The following DGAT2L6 variants were observed in gnomAD, a reference collection of about 807,000 sequenced individuals.
DGAT2L6 encodes the protein diacylglycerol O-acyltransferase 2 like 6.
Under a neutral mutation model 25.5 loss-of-function variants are expected in DGAT2L6, and 22 were observed. That is an observed-to-expected ratio of 0.86 (90% CI 0.62 to 1.23). The LOEUF is 1.23. DGAT2L6 is among the 50% of genes most tolerant of loss of function. The pLI is 0.00. For synonymous variants in DGAT2L6, 100 were observed against 94.7 expected, an observed-to-expected ratio of 1.06 and a Z score of -0.32; for missense variants, 287 against 253.2, an observed-to-expected ratio of 1.13 and a Z score of -0.91.
In DGAT2L6 at chrX:70,199,902, G is replaced by A. The variant is rs774731510; in HGVS notation, c.267+20G>A. The A allele has an allele frequency of 1.7e-6, 2 of 1,192,414 alleles. No homozygotes were observed. Among genetic ancestry groups the A allele is most frequent in the African/African-American group, 3.5e-5 (2 of 57,310 alleles). ...GTAAAGGTGACCACTCTTCCTCGGG[G>A]TGCCCTCAGTCCCTGTTGCCCAGAC... On this transcript the variant is annotated intron_variant, in intron 3 of 6. Transcript: ENST00000333026.
In DGAT2L6 at chrX:70,205,317, G is replaced by T. The variant is rs903142890; in HGVS notation, c.*211G>T. The T allele has an allele frequency of 5.4e-6, 2 of 367,078 alleles. No homozygotes were observed. Among genetic ancestry groups the T allele is most frequent in the Non-Finnish European group, 8.6e-6 (2 of 231,870 alleles). The allele number at this position is 367,078 out of a possible 1,213,427, so 30.3% of individuals were successfully genotyped here. On this transcript the variant is annotated 3_prime_UTR_variant, in exon 7 of 7. Coordinates refer to ENST00000333026, the MANE Select transcript of DGAT2L6 (RefSeq NM_198512.3). ...CTTAGGGGAAAGAACCAGAGGGGCA[G>T]GGGAGGACTGGGGAGGGCTGGCTAG... is the stretch of plus-strand genomic sequence containing the variant.
intron 4 of DGAT2L6, among the ~76,000 whole-genome samples, chrX:70,201,405 C>A (rs2085409889): frequency 8.9e-6 from 1 of 111,822 alleles, no homozygotes; most frequent in Admixed American, 9.5e-5. Context: ...TGGTCAGGCT[C>A]AGGGGTCTGC....
At position 70,183,933 on chromosome X, in the gene DGAT2L6, T is replaced by TG. The variant is rs774156494; in HGVS notation, c.85+6267dup. 2.1e-3 allele frequency among the ~76,000 whole-genome samples: 233 copies of TG among 110,677 alleles called. 2 individuals carry two copies. The highest frequency in any genetic ancestry group is 6.7e-3 in the African/African-American group (204 of 30,469). On this transcript the variant is annotated intron_variant, in intron 1 of 6. Coordinates refer to ENST00000333026, the MANE Select transcript of DGAT2L6 (RefSeq NM_198512.3). ...TGCATGCCTGTGGTCCTAGCTATTGTGCAGGCTGAAATGGGGGGCTCCTTT... is the reference window on the plus strand; with the variant it reads ...TGCATGCCTGTGGTCCTAGCTATTGTGGCAGGCTGAAATGGGGGGCTCCTTT...
At chrX:70,198,441 C>T (rs973975207) in intron 1 of DGAT2L6, among the ~76,000 whole-genome samples, 2 of 112,118 alleles carry the variant, frequency 1.8e-5, no homozygotes, top group African/African-American at 3.2e-5. Flanking sequence ...TAGGTTCAAG[C>T]TGTCCTCTCA....
chrX:70,177,796 C>A, intron 1 of DGAT2L6, 129 bp downstream of exon 1: 1 of 557,061 alleles, frequency 1.8e-6, no homozygotes, highest in Non-Finnish European at 2.9e-6. Context: ...CTGGCTGGCA[C>A]AAAGGCCAGG....
chrX:70,191,704 AAAG>A (rs1453538386), intron 1 of DGAT2L6, among the ~76,000 whole-genome samples: 3 of 111,993 alleles, frequency 2.7e-5, no homozygotes, highest in Non-Finnish European at 5.6e-5. Flanking sequence ...AGATCAACTC[AAAG>A]AAGAATATCC....
intron 1 of DGAT2L6, among the ~76,000 whole-genome samples, chrX:70,196,503 G>GAAAAAAAAAAAAAAAGAAAAAA (rs1164024384): frequency 1.4e-5 from 1 of 70,585 alleles, no homozygotes; most frequent in Non-Finnish European, 2.8e-5. Context: ...AAAAAAAAAA[G>GAAAAAAAAAAAAAAAGAAAAAA]AAAGAAAAAA....
intron 5 of DGAT2L6, among the ~76,000 whole-genome samples, chrX:70,202,807 T>C (rs1209209436): frequency 9.0e-6 from 1 of 111,281 alleles, no homozygotes; most frequent in African/African-American, 3.3e-5. Context: ...ATGAGTCAGA[T>C]CATGTCACTT....
At chrX:70,191,935 T>C (rs914781041) in intron 1 of DGAT2L6, among the ~76,000 whole-genome samples, 4 of 111,448 alleles carry the variant, frequency 3.6e-5, no homozygotes, top group African/African-American at 1.3e-4. Flanking sequence ...TGGTCATTCA[T>C]AAATGAAGGA....
Position 70,200,407 on chromosome X carries a change from C to T in DGAT2L6, c.420C>T (p.Thr140=), listed in dbSNP as rs1410390859. The change falls in exon 4 of 7, where the codon ACC becomes ACT. Residue 140 remains threonine, a synonymous_variant. Coordinates refer to ENST00000333026, the MANE Select transcript of DGAT2L6 (RefSeq NM_198512.3). The part of the protein sequence containing the change: ...IFPSITPFVG[T]LERIFWIPIV... ...CATCCATCACTCCCTTTGTAGGGAC[C>T]TTAGAAAGGATATTTTGGATCCCAA... 6 of 1,210,109 alleles carry T rather than the reference C, an allele frequency of 5.0e-6. No homozygotes were observed. The Admixed American group carries it at 8.7e-5, about 18-fold the overall frequency.
At chrX:70,202,409 C>G (rs2085413844) in intron 5 of DGAT2L6, among the ~76,000 whole-genome samples, 1 of 112,114 alleles carries the variant, frequency 8.9e-6, no homozygotes, top group South Asian at 3.7e-4. Flanking sequence ...GAGGCACTAG[C>G]TTTGATACCG....
intron 1 of DGAT2L6, among the ~76,000 whole-genome samples, chrX:70,197,261 C>T (rs2085395046): frequency 8.9e-6 from 1 of 112,259 alleles, no homozygotes; most frequent in African/African-American, 3.2e-5. Flanking sequence ...TGAGACTTAG[C>T]TCTTCCACAT....
chrX:70,191,160 G>GT (rs2085374473), intron 1 of DGAT2L6, among the ~76,000 whole-genome samples: 1 of 112,461 alleles, frequency 8.9e-6, no homozygotes, highest in Non-Finnish European at 1.9e-5. Flanking sequence ...TATAATTCCA[G>GT]TAACAGCCCA....
chrX:70,200,606 A>T lies in DGAT2L6; in HGVS notation c.472+147A>T, dbSNP rs1247944430. 1.3e-5 allele frequency: 7 copies of T among 537,348 alleles called. No individual in the cohort carries two copies. The East Asian group carries it at 2.6e-4, about 20-fold the overall frequency. The allele number at this position is 537,348 out of a possible 1,213,427, so 44.3% of individuals were successfully genotyped here. On this transcript the variant is annotated intron_variant, in intron 4 of 6. Coordinates refer to ENST00000333026, the MANE Select transcript of DGAT2L6 (RefSeq NM_198512.3). ...GGGCCCGTAACAGGAGTATGTGGCTAAGCATTAGTTTCTGTCCAAGATCTA... is the reference window on the plus strand; with the variant it reads ...GGGCCCGTAACAGGAGTATGTGGCTTAGCATTAGTTTCTGTCCAAGATCTA...
chrX:70,189,429 C>T (rs1346611834), intron 1 of DGAT2L6, among the ~76,000 whole-genome samples: 1 of 111,602 alleles, frequency 9.0e-6, no homozygotes, highest in Non-Finnish European at 1.9e-5. Context: ...GTAAACCATA[C>T]AGGATTCATA....
chrX:70,200,831 T>C (rs6653292), intron 4 of DGAT2L6, among the ~76,000 whole-genome samples: 1,833 of 111,789 alleles, frequency 0.016, 32 homozygotes, highest in African/African-American at 0.057. Flanking sequence ...TTCACCAGGC[T>C]CTCTCTAGGA....
At chrX:70,188,282 C>G (rs2085365459) in intron 1 of DGAT2L6, among the ~76,000 whole-genome samples, 2 of 111,021 alleles carry the variant, frequency 1.8e-5, no homozygotes, top group Non-Finnish European at 3.8e-5. Context: ...TGGGCTGATT[C>G]ACCAAGAAAA....
At chrX:70,201,313 G>C (rs940338720) in intron 4 of DGAT2L6, among the ~76,000 whole-genome samples, 2 of 112,395 alleles carry the variant, frequency 1.8e-5, no homozygotes, top group African/African-American at 3.2e-5. Flanking sequence ...ATGGGAGACA[G>C]AAGTGAGAAA....
chrX:70,203,656 G>C (rs909075278), intron 5 of DGAT2L6, among the ~76,000 whole-genome samples: 1 of 111,018 alleles, frequency 9.0e-6, no homozygotes, highest in African/African-American at 3.3e-5. Flanking sequence ...TATAATACAC[G>C]GTTGGGGCAG....
Sources: allele counts gnomAD v4.1 joint callset (sites outside exome capture counted in the v4.1 genomes callset), GRCh38; gene constraint gnomAD v4.1.1; transcripts MANE v1.5; gene names NCBI Gene and HGNC (gene_info 2026-07-23, HGNC 2026-07-21).